The following TRMT11 variants were observed in gnomAD, a reference collection of about 807,000 sequenced individuals.
The protein encoded by TRMT11 is tRNA methyltransferase 11.
In TRMT11, 53 loss-of-function variants were observed where a neutral mutation model predicts 62.8. The observed-to-expected ratio is 0.84, with a 90% confidence interval of 0.68 to 1.06. The LOEUF (loss-of-function observed/expected upper bound fraction) is 1.06, where lower values mean the gene tolerates loss of function less well. Among genes scored for constraint, TRMT11 ranks in the 50% least tolerant of loss-of-function variants. TRMT11 has a pLI of 0.00. For missense variants in TRMT11, 556 were observed against 553.4 expected (o/e 1.00, Z -0.05); for synonymous variants, 188 against 190.3 (o/e 0.99, Z 0.10).
chr6:126,049,480 T>G (rs1776150708), intron 16 of TRMT11, among the ~76,000 whole-genome samples: 1 of 152,352 alleles, frequency 6.6e-6, no homozygotes, highest in Non-Finnish European at 1.5e-5. Flanking sequence ...TTTTCTATTT[T>G]AATGTCAATT....
At chr6:125,989,316 C>A (rs950222391) in intron 1 of TRMT11, among the ~76,000 whole-genome samples, 1 of 151,562 alleles carries the variant, frequency 6.6e-6, no homozygotes, top group Admixed American at 6.6e-5. Context: ...TCAGTAGAGA[C>A]GGGCTTTCAC....
chr6:126,156,644 A>G (rs1315341434), intron 21 of TRMT11, among the ~76,000 whole-genome samples: 5 of 152,242 alleles, frequency 3.3e-5, no homozygotes, highest in African/African-American at 4.8e-5. Context: ...TGGCTCCAGC[A>G]TCTGCTTCTG....
At chr6:126,272,258 A>G in the TRMT11 span, among the ~76,000 whole-genome samples, 4 of 152,136 alleles carry the variant, frequency 2.6e-5, no homozygotes, top group Admixed American at 2.6e-4. Flanking sequence ...ACCTTTTCAG[A>G]ATATGTATTT....
At chr6:126,029,443 A>G (rs766863195) in intron 12 of TRMT11, among the ~76,000 whole-genome samples, 7 of 152,166 alleles carry the variant, frequency 4.6e-5, no homozygotes, top group Middle Eastern at 3.4e-3. Flanking sequence ...AATCATAATC[A>G]TTGTCTTGCT....
chr6:126,148,024 T>C (rs547639383), intron 21 of TRMT11, among the ~76,000 whole-genome samples: 69 of 152,292 alleles, frequency 4.5e-4, no homozygotes, highest in South Asian at 1.7e-3. Context: ...TCTGCACATG[T>C]ACCCCAGAAC....
the TRMT11 span, among the ~76,000 whole-genome samples, chr6:126,219,693 G>A: frequency 6.6e-6 from 1 of 152,144 alleles, no homozygotes; most frequent in Non-Finnish European, 1.5e-5. Context: ...GTAATCATTT[G>A]ACTAACAACT....
At chr6:126,065,540 C>T (rs759371220) in intron 17 of TRMT11, among the ~76,000 whole-genome samples, 4 of 152,192 alleles carry the variant, frequency 2.6e-5, no homozygotes, top group Non-Finnish European at 4.4e-5. Context: ...TGGTTCATTT[C>T]TTGACTCCTT....
the TRMT11 span, among the ~76,000 whole-genome samples, chr6:126,255,340 T>TTCTCTG: frequency 4.6e-4 from 70 of 152,296 alleles, no homozygotes; most frequent in African/African-American, 1.6e-3. Context: ...TTGTATCTTA[T>TTCTCTG]TCTCTGTCTC....
At chr6:126,215,703 A>G in the TRMT11 span, among the ~76,000 whole-genome samples, 1 of 151,606 alleles carries the variant, frequency 6.6e-6, no homozygotes, top group Non-Finnish European at 1.5e-5. Context: ...TTCTCTGATG[A>G]TATGTTCTAA....
the TRMT11 span, among the ~76,000 whole-genome samples, chr6:126,259,701 T>G: frequency 6.6e-6 from 1 of 152,156 alleles, no homozygotes; most frequent in Admixed American, 6.5e-5. Flanking sequence ...CATCTCAGTT[T>G]CTCTCTCCTT....
chr6:126,112,104 T>C (rs1777538973), intron 17 of TRMT11, among the ~76,000 whole-genome samples: 1 of 152,094 alleles, frequency 6.6e-6, no homozygotes, highest in African/African-American at 2.4e-5. Context: ...AACTGGAGTA[T>C]ATTCTGCAGA....
chr6:126,241,110 C>T, the TRMT11 span, among the ~76,000 whole-genome samples: 8 of 152,220 alleles, frequency 5.3e-5, no homozygotes, highest in Non-Finnish European at 1.0e-4. Flanking sequence ...CATCTGTCAC[C>T]CCTTTCCTTG....
chr6:126,250,059 A>G, the TRMT11 span, among the ~76,000 whole-genome samples: 1 of 152,176 alleles, frequency 6.6e-6, no homozygotes, highest in Non-Finnish European at 1.5e-5. Context: ...TCGTTAAACA[A>G]TTTTCAATTA....
chr6:126,145,711 A>G lies in TRMT11; in HGVS notation c.*1824-29114A>G, dbSNP rs1777967150. On this transcript the variant is annotated intron_variant and NMD_transcript_variant, in intron 21 of 22. Coordinates refer to the TRMT11 transcript ENST00000648977. ...CTTCAACAGCCTTGTCACTTTATCTACTGTGTCTGTTTACTTCTCTCTGGA... is the reference window on the plus strand; with the variant it reads ...CTTCAACAGCCTTGTCACTTTATCTGCTGTGTCTGTTTACTTCTCTCTGGA... 2.0e-5 allele frequency among the ~76,000 whole-genome samples: 3 copies of G among 151,896 alleles called. No individual in the cohort carries two copies. In the South Asian group the frequency reaches 6.3e-4, roughly 32 times the overall value.
At chr6:125,987,002 A>G (rs1789748415) in intron 1 of TRMT11, 3 of 227,834 alleles carry the variant, frequency 1.3e-5, no homozygotes, top group South Asian at 9.8e-5. Context: ...AGTGGAGGGG[A>G]TGGTGGTGGG....
At chr6:125,993,092 C>G (rs969197058) in intron 1 of TRMT11, among the ~76,000 whole-genome samples, 1 of 152,088 alleles carries the variant, frequency 6.6e-6, no homozygotes, top group Non-Finnish European at 1.5e-5. Flanking sequence ...TAGGTTCCAT[C>G]CTCCATGAGA....
intron 16 of TRMT11, among the ~76,000 whole-genome samples, chr6:126,045,844 C>G (rs1340715928): frequency 6.6e-6 from 1 of 152,060 alleles, no homozygotes; most frequent in Non-Finnish European, 1.5e-5. Context: ...TTTTATGGCT[C>G]AGCTCCTCCT....
At chr6:126,071,031 TGAA>T (rs1329781309) in intron 17 of TRMT11, among the ~76,000 whole-genome samples, 1 of 152,200 alleles carries the variant, frequency 6.6e-6, no homozygotes, top group Non-Finnish European at 1.5e-5. Context: ...GAGCTGGTCA[TGAA>T]GAACATGTGG....
At chr6:126,111,035 G>C (rs1281459378) in intron 17 of TRMT11, among the ~76,000 whole-genome samples, 1 of 152,054 alleles carries the variant, frequency 6.6e-6, no homozygotes, top group Non-Finnish European at 1.5e-5. Flanking sequence ...GGATATGGGA[G>C]GAGACTTAAA....
Sources: allele counts gnomAD v4.1 joint callset (sites outside exome capture counted in the v4.1 genomes callset), GRCh38; gene constraint gnomAD v4.1.1; transcripts MANE v1.5; gene names NCBI Gene and HGNC (gene_info 2026-07-23, HGNC 2026-07-21).